USP33: variants seen among roughly 807,000 people sequenced by gnomAD.
USP33 encodes the protein ubiquitin carboxyl-terminal hydrolase 33.
In USP33, 46 loss-of-function variants were observed where a neutral mutation model predicts 124.2. That is an observed-to-expected ratio of 0.37 (90% CI 0.29 to 0.47). USP33 has a LOEUF of 0.47. USP33 is among the 20% of genes least tolerant of loss of function. The pLI, the probability that USP33 is intolerant of heterozygous loss-of-function variation, is 0.99. For synonymous variants in USP33, 350 were observed against 352.3 expected (o/e 0.99, Z 0.07); for missense variants, 851 against 1,070.6 (o/e 0.79, Z 2.86).
Position 77,741,747 on chromosome 1 carries a change from A to G in USP33, c.-50T>C. 6.4e-7 allele frequency: 1 copy of G among 1,573,758 alleles called. No individual in the cohort carries two copies. Among genetic ancestry groups the G allele is most frequent in the Non-Finnish European group, 8.6e-7 (1 of 1,165,624 alleles). ...CCCAAGACTTTCAAAATGAGGTAACACCTATAAGAAAAGTAACACACACAA... is the reference window on the plus strand; with the variant it reads ...CCCAAGACTTTCAAAATGAGGTAACGCCTATAAGAAAAGTAACACACACAA... On this transcript the variant is annotated splice_region_variant and 5_prime_UTR_variant, in exon 2 of 24. Coordinates refer to ENST00000370794, the MANE Select transcript of USP33 (RefSeq NM_201624.3).
At chr1:77,757,286 C>A (rs1680887272) in intron 1 of USP33, among the ~76,000 whole-genome samples, 1 of 152,156 alleles carries the variant, frequency 6.6e-6, no homozygotes, top group South Asian at 2.1e-4. Flanking sequence ...AAGGCAGAAA[C>A]CACGTTTCAT....
In USP33 at chr1:77,711,007, A is replaced by G. The variant is rs1304421409; in HGVS notation, c.2406+740T>C. Among the ~76,000 whole-genome samples the G allele has an allele frequency of 2.6e-5, 4 of 152,194 alleles. No homozygotes were observed. In the South Asian group the frequency reaches 8.3e-4, roughly 31 times the overall value. On this transcript the variant is annotated intron_variant, in intron 21 of 23. Transcript: ENST00000370794. ...GTTGCTTACAATTAAGGGACACCTCATAATATGCTCAGTTTGTGAAAAGTG... is the reference window on the plus strand; with the variant it reads ...GTTGCTTACAATTAAGGGACACCTCGTAATATGCTCAGTTTGTGAAAAGTG...
rs1361009664 is a variant in USP33, at chr1:77,734,976, T to A, written c.455-560A>T. On this transcript the variant is annotated intron_variant, in intron 6 of 23. Transcript: ENST00000370794. ...ATCTCTACTAAAAATACAAAAAATT[T>A]GCCGGGCATGGTGGCGGGTGCCTGT... Among the ~76,000 whole-genome samples the A allele has an allele frequency of 4.6e-5, 7 of 151,780 alleles. No individual in the cohort carries two copies. The East Asian group carries it at 9.6e-4, about 21-fold the overall frequency.
At chr1:77,732,542 T>C (rs1677944092) in intron 7 of USP33, among the ~76,000 whole-genome samples, 1 of 152,190 alleles carries the variant, frequency 6.6e-6, no homozygotes, top group African/African-American at 2.4e-5. Flanking sequence ...AACACTTCAA[T>C]GGTATCGTAC....
At position 77,736,130 on chromosome 1, in the gene USP33, AATG is replaced by A. The variant is rs1455029042; in HGVS notation, c.377_379del (p.Thr126_Leu127delinsIle). 6.2e-7 allele frequency: 1 copy of A among 1,613,122 alleles called. No homozygotes were observed. The highest frequency in any genetic ancestry group is 1.7e-5 in the Admixed American group (1 of 59,968). ...AAATACGGCAACCAGAGGAGTTTTT[AATG>A]TTGTATTACTGGGTATTTTAAAATC... On this transcript the variant is annotated inframe_deletion, in exon 6 of 24. Transcript: ENST00000370794.
chr1:77,710,059 G>A (rs1325637428), intron 21 of USP33, among the ~76,000 whole-genome samples: 1 of 152,052 alleles, frequency 6.6e-6, no homozygotes, highest in Non-Finnish European at 1.5e-5. Flanking sequence ...CTCATTACAC[G>A]TATGTCTTGA....
At chr1:77,736,239 A>G in intron 5 of USP33, 81 bp from the exon 6 acceptor site, 1 of 817,342 alleles carries the variant, frequency 1.2e-6, no homozygotes, top group Non-Finnish European at 1.8e-6. Context: ...TATAACATCT[A>G]TACCATAAAA....
rs375501282 is a variant in USP33, at chr1:77,722,101, A to G, written c.1485T>C (p.Ser495=). ...CGCCACATGATCCTGCTTTGACTATAGAAGTTGGATGACTTGATGAATGCA... is the reference window on the plus strand; with the variant it reads ...CGCCACATGATCCTGCTTTGACTATGGAAGTTGGATGACTTGATGAATGCA... ...AKLHSSSHPT[S]IVKAGSCGEA... is the part of the protein sequence containing the mutation. Residue 495 remains serine, a synonymous_variant, in exon 13 of 24, where the codon TCT becomes TCC. Coordinates refer to ENST00000370794, the MANE Select transcript of USP33 (RefSeq NM_201624.3). 6 of 1,614,010 alleles carry G rather than the reference A, an allele frequency of 3.7e-6. No individual in the cohort carries two copies. The highest frequency in any genetic ancestry group is 5.1e-6 in the Non-Finnish European group (6 of 1,179,986).
intron 6 of USP33, among the ~76,000 whole-genome samples, chr1:77,735,637 T>C (rs865792782): frequency 2.0e-5 from 3 of 151,998 alleles, no homozygotes; most frequent in Non-Finnish European, 2.9e-5. Context: ...ATATGAAAAA[T>C]CCAAATAGAC....
Position 77,715,820 on chromosome 1 carries a change from T to C in USP33, c.1967A>G (p.Tyr656Cys), listed in dbSNP as rs753240430. 3.7e-6 allele frequency: 6 copies of C among 1,613,838 alleles called. No homozygotes were observed. The highest frequency in any genetic ancestry group is 5.1e-6 in the Non-Finnish European group (6 of 1,179,914). ...AGTGACACTCTGATCATCAAATTCA[T>C]ACCAGAGATTATTTAGATTGTTTCG... is the stretch of plus-strand genomic sequence containing the variant. ...YCRNNLNNLW[Y>C]EFDDQSVTEV... The change falls in exon 18 of 24, where the codon TAT becomes TGT. Residue 656 changes from tyrosine to cysteine, a missense_variant. By Grantham distance (194) the Tyr-to-Cys change is radical (BLOSUM62 -2). Around this residue, in one of 4 missense-constraint regions of USP33, gnomAD observed 281 missense variants for 425.0 expected, o/e 0.66. Transcript: ENST00000370794.
At chr1:77,745,468 T>C (rs1291757094) in intron 1 of USP33, 1 of 152,520 alleles carries the variant, frequency 6.6e-6, no homozygotes, top group African/African-American at 2.4e-5. Flanking sequence ...GTCATTACGA[T>C]GTTAGCTGGT....
At position 77,718,476 on chromosome 1, in the gene USP33, C is replaced by T. The variant is rs894666613; in HGVS notation, c.1737+120G>A. 2.9e-5 allele frequency: 23 copies of T among 803,226 alleles called. No homozygotes were observed. In the South Asian group the frequency reaches 3.7e-4, roughly 13 times the overall value. 49.8% of individuals were successfully genotyped at this position (803,226 alleles called of 1,614,324 possible). A position where few individuals can be genotyped will look rare whatever the true frequency, so the allele number is the denominator to read the frequency against. On this transcript the variant is annotated intron_variant, in intron 16 of 23. Coordinates refer to ENST00000370794, the MANE Select transcript of USP33 (RefSeq NM_201624.3). ...TTAAAACTGAATAATCTTAAAAAGG[C>T]ATGCATAGCAATCATTCAATTCTTC...
intron 15 of USP33, 100 bp downstream of exon 15, chr1:77,721,071 AT>A: frequency 7.5e-7 from 1 of 1,327,420 alleles, no homozygotes; most frequent in Non-Finnish European, 1.1e-6. Context: ...TCTGGCCTAC[AT>A]TTTTCTAAAT....
intron 11 of USP33, among the ~76,000 whole-genome samples, chr1:77,724,561 T>C (rs1676945331): frequency 6.6e-6 from 1 of 152,188 alleles, no homozygotes; most frequent in South Asian, 2.1e-4. Context: ...GTAAAAAGTC[T>C]GGCAGTTTAA....
chr1:77,713,558 T>A, intron 19 of USP33: 4 of 76,542 alleles, frequency 5.2e-5, no homozygotes, highest in Non-Finnish European at 9.5e-5. Flanking sequence ...CTAACTTTTC[T>A]TTTTTTTTTT....
In USP33 at chr1:77,725,684, A is replaced by G; in HGVS notation, c.1214T>C (p.Leu405Ser). ...GCCTGATTTAGGAGGGCTTGCCGAT[A>G]AACGTGGATTAACACCTTCATTTGA... ...LPSNEGVNPR[L>S]SASPPKSGNL... The change falls in exon 11 of 24, where the codon TTA (leucine) becomes TCA (serine). Residue 405 changes from leucine to serine, a missense_variant. Leu to Ser is a moderately radical substitution (Grantham distance 145). Around this residue, in one of 4 missense-constraint regions of USP33, gnomAD observed 207 missense variants for 200.9 expected, o/e 1.03. Coordinates refer to ENST00000370794, the MANE Select transcript of USP33 (RefSeq NM_201624.3). 6.2e-7 allele frequency: 1 copy of G among 1,614,186 alleles called. No individual in the cohort carries two copies. The highest frequency in any genetic ancestry group is 8.5e-7 in the Non-Finnish European group (1 of 1,180,020).
chr1:77,722,435 T>A, intron 12 of USP33: 1 of 352,132 alleles, frequency 2.8e-6, no homozygotes, highest in Admixed American at 4.5e-5. Flanking sequence ...TGTGCAGTAG[T>A]ATTAGCATCC....
At chr1:77,716,399 T>C (rs950222945) in intron 17 of USP33, among the ~76,000 whole-genome samples, 33 of 152,190 alleles carry the variant, frequency 2.2e-4, no homozygotes, top group South Asian at 2.1e-4. Flanking sequence ...GACGGATGAA[T>C]AAAGTACACT....
At chr1:77,704,493 A>C (rs1245507117) in intron 21 of USP33, among the ~76,000 whole-genome samples, 1 of 152,214 alleles carries the variant, frequency 6.6e-6, no homozygotes, top group Admixed American at 6.5e-5. Flanking sequence ...CGCTTTTTAA[A>C]ATTTAGTTAA....
Sources: allele counts gnomAD v4.1 joint callset (sites outside exome capture counted in the v4.1 genomes callset), GRCh38; gene constraint gnomAD v4.1.1; regional missense constraint gnomAD v4.1.1; transcripts MANE v1.5; gene names NCBI Gene and HGNC (gene_info 2026-07-23, HGNC 2026-07-21).